The following PRKN variants were observed in gnomAD, a reference collection of about 807,000 sequenced individuals.
PRKN encodes parkin RBR E3 ubiquitin protein ligase.
Under a neutral mutation model 59.5 loss-of-function variants are expected in PRKN, and 56 were observed. That is an observed-to-expected ratio of 0.94 (90% CI 0.76 to 1.18). The LOEUF (loss-of-function observed/expected upper bound fraction) is 1.18. PRKN is among the 50% of genes most tolerant of loss of function. The pLI, the probability that PRKN is intolerant of heterozygous loss-of-function variation, is 0.00. For synonymous variants in PRKN, 250 were observed against 222.1 expected, an observed-to-expected ratio of 1.13 and a Z score of -1.12; for missense variants, 657 against 596.4, an observed-to-expected ratio of 1.10 and a Z score of -1.06.
chr6:162,036,290 C>T (rs1783844819), intron 5 of PRKN, among the ~76,000 whole-genome samples: 1 of 151,882 alleles, frequency 6.6e-6, no homozygotes, highest in Non-Finnish European at 1.5e-5. Context: ...CGCCACTGCA[C>T]TCCAGCCTGG....
At chr6:161,913,320 A>T (rs1778437503) in intron 6 of PRKN, among the ~76,000 whole-genome samples, 2 of 152,328 alleles carry the variant, frequency 1.3e-5, no homozygotes, top group South Asian at 4.1e-4. Flanking sequence ...TAAATATGAA[A>T]AAAGAGCTTA....
At chr6:162,301,990 T>C (rs1781982004) in intron 2 of PRKN, among the ~76,000 whole-genome samples, 1 of 152,122 alleles carries the variant, frequency 6.6e-6, no homozygotes, top group African/African-American at 2.4e-5. Flanking sequence ...CCAAACTCAT[T>C]GGCATCCTGG....
Position 162,078,216 on chromosome 6 carries a change from C to T in PRKN, c.535-24042G>A, listed in dbSNP as rs368928146. 1.8e-3 allele frequency among the ~76,000 whole-genome samples: 269 copies of T among 151,970 alleles called. 3 individuals carry two copies. Among genetic ancestry groups the T allele is most frequent in the African/African-American group, 6.3e-3 (259 of 41,390 alleles). Reference sequence around the variant, plus strand: ...AGCATCTGAAGAAATTCAACGTTCTCTCATTTTTCACGGTTTTAACTTCTC... The same window carrying T: ...AGCATCTGAAGAAATTCAACGTTCTTTCATTTTTCACGGTTTTAACTTCTC... On this transcript the variant is annotated intron_variant, in intron 4 of 11. Coordinates refer to ENST00000366898, the MANE Select transcript of PRKN (RefSeq NM_004562.3).
intron 7 of PRKN, among the ~76,000 whole-genome samples, chr6:161,671,389 C>A (rs1001680283): frequency 3.3e-5 from 5 of 152,202 alleles, no homozygotes; most frequent in Non-Finnish European, 7.3e-5. Flanking sequence ...CTGCAACCGG[C>A]TGCATTGTCA....
chr6:162,074,908 G>C (rs1378129402), intron 4 of PRKN, among the ~76,000 whole-genome samples: 1 of 152,174 alleles, frequency 6.6e-6, no homozygotes, highest in Non-Finnish European at 1.5e-5. Context: ...ACATCACAGG[G>C]ATAGCAGAAT....
chr6:162,583,159 C>T (rs1050528362), intron 1 of PRKN, among the ~76,000 whole-genome samples: 3 of 152,300 alleles, frequency 2.0e-5, no homozygotes, highest in Non-Finnish European at 4.4e-5. Flanking sequence ...AAGAAGAGAA[C>T]GACCTTACCA....
intron 7 of PRKN, among the ~76,000 whole-genome samples, chr6:161,695,072 G>C (rs1032641534): frequency 3.3e-5 from 5 of 152,254 alleles, no homozygotes; most frequent in African/African-American, 1.2e-4. Flanking sequence ...CAGGCTACAG[G>C]CTCCCAGGTC....
At chr6:162,011,085 A>AATATAT (rs1339008378) in intron 5 of PRKN, among the ~76,000 whole-genome samples, 704 of 11,940 alleles carry the variant, frequency 0.059, 276 homozygotes, top group African/African-American at 0.14. Context: ...TATAATATAT[A>AATATAT]TTATAATATA....
Position 161,371,793 on chromosome 6 carries a change from C to T in PRKN, c.1168-11588G>A, listed in dbSNP as rs1287700884. Among the ~76,000 whole-genome samples the T allele has an allele frequency of 6.6e-6, 1 of 152,106 alleles. No homozygotes were observed. Among genetic ancestry groups the T allele is most frequent in the African/African-American group, 2.4e-5 (1 of 41,416 alleles). The stretch of plus-strand genomic sequence containing the variant: ...AGCTGGGATTACAGGCATGCACCAC[C>T]CCACCTCGCTAATTTTTGTATTTTT... On this transcript the variant is annotated intron_variant, in intron 10 of 11. Transcript: ENST00000366898. This position sits in a 1 kb window ranked among gnomAD's most constrained non-coding sequence, Gnocchi z 5.5.
At chr6:161,513,532 T>TA (rs1778474980) in intron 9 of PRKN, among the ~76,000 whole-genome samples, 1 of 151,474 alleles carries the variant, frequency 6.6e-6, no homozygotes, top group Admixed American at 6.6e-5. Context: ...CACATTTTTT[T>TA]TTTTTTTTGA....
rs561919613 is a variant in PRKN, at chr6:162,727,708, C to T, written c.-40G>A. On this transcript the variant is annotated 5_prime_UTR_variant, in exon 1 of 12. Coordinates refer to ENST00000366898, the MANE Select transcript of PRKN (RefSeq NM_004562.3). The stretch of plus-strand genomic sequence containing the variant: ...TGGCGGCTGCGGGCCAGGAACAGGC[C>T]CATGCGCGCAGCGGCGCCAGCCGCG... 27 of 1,558,754 alleles carry T rather than the reference C, an allele frequency of 1.7e-5. No individual in the cohort carries two copies. In the South Asian group the frequency reaches 2.9e-4, roughly 17 times the overall value.
chr6:162,474,900 G>A (rs892368655), intron 1 of PRKN, among the ~76,000 whole-genome samples: 2 of 152,114 alleles, frequency 1.3e-5, no homozygotes, highest in African/African-American at 4.8e-5. Flanking sequence ...GAAGGAAAAA[G>A]ATGAAGAGAC....
intron 9 of PRKN, among the ~76,000 whole-genome samples, chr6:161,476,683 T>A (rs1791099462): frequency 6.6e-6 from 1 of 152,170 alleles, no homozygotes; most frequent in Non-Finnish European, 1.5e-5. Context: ...CACCGATTTG[T>A]TTCTTTGACA....
intron 3 of PRKN, among the ~76,000 whole-genome samples, chr6:162,246,498 ACT>A (rs1302561373): frequency 6.6e-6 from 1 of 152,136 alleles, no homozygotes; most frequent in Non-Finnish European, 1.5e-5. Context: ...AATAAAGCAA[ACT>A]CTGAGTACTT....
At chr6:162,469,415 A>T (rs1791610337) in intron 1 of PRKN, among the ~76,000 whole-genome samples, 1 of 151,756 alleles carries the variant, frequency 6.6e-6, no homozygotes, top group Non-Finnish European at 1.5e-5. Flanking sequence ...TGTTTATAGC[A>T]GCACAGTTCC....
At chr6:162,366,586 A>C (rs1386794539) in intron 2 of PRKN, among the ~76,000 whole-genome samples, 5 of 152,144 alleles carry the variant, frequency 3.3e-5, no homozygotes, top group Non-Finnish European at 7.3e-5. Flanking sequence ...TTCTTTGATC[A>C]TACCTATAAA....
rs530543571 is a variant in PRKN at position 162,617,888 on chromosome 6, G to A, written c.7+109774C>T. Among the ~76,000 whole-genome samples the A allele has an allele frequency of 2.6e-5, 4 of 151,978 alleles. No individual in the cohort carries two copies. In the East Asian group the frequency reaches 7.7e-4, roughly 29 times the overall value. ...TTACTATATTCAGGCACTTTCCTAAGGGGTTTCAATGTATTAGTGCATTTA... is the reference window on the plus strand; with the variant it reads ...TTACTATATTCAGGCACTTTCCTAAAGGGTTTCAATGTATTAGTGCATTTA... On this transcript the variant is annotated intron_variant, in intron 1 of 11. Coordinates refer to ENST00000366898, the MANE Select transcript of PRKN (RefSeq NM_004562.3).
intron 7 of PRKN, among the ~76,000 whole-genome samples, chr6:161,758,152 C>T (rs1237066631): frequency 6.6e-6 from 1 of 151,564 alleles, no homozygotes; most frequent in African/African-American, 2.4e-5. Context: ...ATGGTACAAC[C>T]ACCACGGAAA....
rs1160206714 is a variant in PRKN, at chr6:161,386,466, T to C, written c.1167+328A>G. Among the ~76,000 whole-genome samples, 1 of 152,200 alleles carries C rather than the reference T, an allele frequency of 6.6e-6. No individual in the cohort carries two copies. The highest frequency in any genetic ancestry group is 1.5e-5 in the Non-Finnish European group (1 of 68,034). On this transcript the variant is annotated intron_variant, in intron 10 of 11. Transcript: ENST00000366898. The surrounding 1 kb of genome is among the most constrained non-coding windows in gnomAD (Gnocchi z 4.3). The stretch of plus-strand genomic sequence containing the variant: ...TAAAAACATTGAAGTAGACTTAGTA[T>C]GGATTTCTCTGATTTAGACACTGTT...
Sources: gnomAD v4.1 joint callset for allele counts (sites outside exome capture counted in the v4.1 genomes callset) on GRCh38, gnomAD v4.1.1 for gene constraint, Gnocchi (gnomAD v3.1) non-coding constraint, MANE v1.5 for transcripts, NCBI Gene and HGNC (gene_info 2026-07-23, HGNC 2026-07-21) for gene names.